The following SLC1A7 variants were observed in gnomAD, a reference collection of about 807,000 sequenced individuals.
SLC1A7 encodes excitatory amino acid transporter 5.
A neutral mutation model predicts 47.7 loss-of-function variants in SLC1A7; 40 were observed. The ratio of observed to expected loss-of-function variants is 0.84; its 90% CI spans 0.65 to 1.09. The LOEUF is 1.09. SLC1A7 is among the 50% of genes least tolerant of loss of function. SLC1A7 has a pLI of 0.00. For synonymous variants in SLC1A7, 323 were observed against 325.6 expected, an observed-to-expected ratio of 0.99 and a Z score of 0.09; for missense variants, 746 against 769.5, an observed-to-expected ratio of 0.97 and a Z score of 0.36.
At chr1:53,090,321 C>G (rs927124376) in intron 8 of SLC1A7, 4 of 541,688 alleles carry the variant, frequency 7.4e-6, no homozygotes, top group Non-Finnish European at 9.7e-6. Context: ...GGCTGTGAGG[C>G]CTCCGTCAGC....
chr1:53,117,590 G>A (rs1644775083), intron 2 of SLC1A7, among the ~76,000 whole-genome samples: 1 of 152,234 alleles, frequency 6.6e-6, no homozygotes, highest in African/African-American at 2.4e-5. Flanking sequence ...TTACCAGATT[G>A]TTTGCATCTC....
rs751079708 is a variant in SLC1A7, at chr1:53,090,733, C to G, written c.1105G>C (p.Val369Leu). The change falls in exon 8 of 11, where the codon GTG (valine) becomes CTG (leucine). Residue 369 changes from valine to leucine, a missense_variant. Physicochemically the swap from Val to Leu is conservative, Grantham distance 32. Transcript: ENST00000371494. ...NHIDRRIARFVLPVGATINMD... is the reference protein window; with the variant it reads ...NHIDRRIARFLLPVGATINMD... ...TTGATGGTGGCACCCACGGGCAGCA[C>G]GAAGCGAGCGATGCGCCGGTCGATG... is the stretch of plus-strand genomic sequence containing the variant. 5.0e-6 allele frequency: 8 copies of G among 1,613,958 alleles called. No individual in the cohort carries two copies. Among genetic ancestry groups the G allele is most frequent in the Non-Finnish European group, 6.8e-6 (8 of 1,179,962 alleles).
At chr1:53,111,638 C>G (rs1644702237) in intron 3 of SLC1A7, among the ~76,000 whole-genome samples, 1 of 152,108 alleles carries the variant, frequency 6.6e-6, no homozygotes, top group African/African-American at 2.4e-5. Flanking sequence ...GATGTCAGAC[C>G]AAGATGGGCA....
intron 3 of SLC1A7, among the ~76,000 whole-genome samples, chr1:53,107,699 C>T (rs1644659247): frequency 6.6e-6 from 1 of 152,208 alleles, no homozygotes; most frequent in African/African-American, 2.4e-5. Flanking sequence ...GGCCTGGTTT[C>T]TACCTTCACT....
At chr1:53,105,892 C>A in intron 3 of SLC1A7, 118 bp from the exon 4 acceptor site, 2 of 784,516 alleles carry the variant, frequency 2.5e-6, no homozygotes, top group Non-Finnish European at 2.2e-6. Flanking sequence ...CTCAGGCCAG[C>A]CTCCTCTGCA....
intron 5 of SLC1A7, among the ~76,000 whole-genome samples, chr1:53,101,771 G>A (rs1250521291): frequency 6.9e-6 from 1 of 144,878 alleles, no homozygotes; most frequent in African/African-American, 2.6e-5. Flanking sequence ...CACACACCCT[G>A]CCTCGGTACA....
rs1382785728 is a variant in SLC1A7, at chr1:53,088,985, G to A, written c.1362-6C>T. 3.7e-6 allele frequency: 6 copies of A among 1,612,896 alleles called. No individual in the cohort carries two copies. The South Asian group carries it at 5.5e-5, about 15-fold the overall frequency. On this transcript the variant is annotated splice_polypyrimidine_tract_variant and splice_region_variant and intron_variant, in intron 9 of 10. Coordinates refer to ENST00000371494, the MANE Select transcript of SLC1A7 (RefSeq NM_006671.6). ...TCATGGTGCGGAAACGGTCCCTGGT[G>A]AGCCAAGGTTGGGGGTGAGTGGTGG...
intron 4 of SLC1A7, 74 bp from the exon 5 acceptor site, chr1:53,103,642 G>T: frequency 1.2e-6 from 1 of 822,930 alleles, no homozygotes; most frequent in Non-Finnish European, 1.9e-6. Context: ...AACAATAATA[G>T]CATCTTGAAG....
At chr1:53,126,459 T>G (rs769827756) in intron 2 of SLC1A7, among the ~76,000 whole-genome samples, 1 of 152,202 alleles carries the variant, frequency 6.6e-6, no homozygotes, top group Non-Finnish European at 1.5e-5. Flanking sequence ...ACCGCAAACC[T>G]GGAGTTACGC....
At chr1:53,103,927 T>A (rs1335329776) in intron 4 of SLC1A7, among the ~76,000 whole-genome samples, 2 of 152,124 alleles carry the variant, frequency 1.3e-5, no homozygotes, top group Non-Finnish European at 2.9e-5. Context: ...CCAGTATCCA[T>A]CCACCTGGTG....
intron 2 of SLC1A7, among the ~76,000 whole-genome samples, chr1:53,119,042 TTAAA>T: frequency 6.9e-6 from 1 of 144,074 alleles, no homozygotes; most frequent in East Asian, 2.1e-4. Flanking sequence ...TTAAATTAAA[TTAAA>T]TAAAAGTTCA....
At chr1:53,131,852 A>G (rs1013796248) in intron 2 of SLC1A7, among the ~76,000 whole-genome samples, 38 of 152,328 alleles carry the variant, frequency 2.5e-4, no homozygotes, top group African/African-American at 8.7e-4. Flanking sequence ...ATGACAACAT[A>G]TGATATGTGC....
rs372699845 is a variant in SLC1A7, at chr1:53,134,449, T to G, written c.136-20A>C. ...AATTTCCTGAAAACACAGTAAGAAC[T>G]GGGGTTATAGCAAGAGATGCAGACT... On this transcript the variant is annotated intron_variant, in intron 1 of 10. Transcript: ENST00000371494. The G allele has an allele frequency of 2.2e-5, 34 of 1,561,232 alleles. No homozygotes were observed. The highest frequency in any genetic ancestry group is 8.4e-5 in the Admixed American group (5 of 59,392).
intron 5 of SLC1A7, among the ~76,000 whole-genome samples, chr1:53,099,706 ACAC>A (rs1303272547): frequency 8.1e-6 from 1 of 123,198 alleles, no homozygotes; most frequent in Non-Finnish European, 1.8e-5. Context: ...ACACTCACAC[ACAC>A]CACCTCGGTA....
At position 53,103,365 on chromosome 1, in the gene SLC1A7, G is replaced by T; in HGVS notation, c.678C>A (p.Val226=). Residue 226 remains valine, a synonymous_variant, in exon 5 of 11, where the codon GTC becomes GTA. Transcript: ENST00000371494. ...TSDGMNVLGI[V]FFSATMGIML... ...ACATACCCATGGTGGCAGAGAAGAA[G>T]ACGATGCCCAGCACATTCATGCCAT... 1 of 1,605,772 alleles carries T rather than the reference G, an allele frequency of 6.2e-7. No homozygotes were observed. The highest frequency in any genetic ancestry group is 8.5e-7 in the Non-Finnish European group (1 of 1,176,960).
chr1:53,120,038 C>G (rs1197107885), intron 2 of SLC1A7, among the ~76,000 whole-genome samples: 2 of 152,174 alleles, frequency 1.3e-5, no homozygotes, highest in Non-Finnish European at 2.9e-5. Context: ...CCACTCAGAG[C>G]CCAGGGATTG....
intron 5 of SLC1A7, among the ~76,000 whole-genome samples, chr1:53,097,626 C>T (rs1429484548): frequency 2.0e-5 from 3 of 151,606 alleles, no homozygotes; most frequent in South Asian, 4.2e-4. Flanking sequence ...CCTCGGTACA[C>T]TCACAAACCC....
At position 53,093,453 on chromosome 1, in the gene SLC1A7, A is replaced by C. The variant is rs1644448237; in HGVS notation, c.797+8T>G. 3 of 1,601,478 alleles carry C rather than the reference A, an allele frequency of 1.9e-6. No individual in the cohort carries two copies. Among genetic ancestry groups the C allele is most frequent in the Non-Finnish European group, 1.7e-6 (2 of 1,174,520 alleles). On this transcript the variant is annotated splice_region_variant and intron_variant, in intron 6 of 10. Transcript: ENST00000371494. ...GCCGGGGTGAGGTGGGTAAATGAGG[A>C]GGCTTACCACACAGCCACCGCCACG...
At chr1:53,112,000 A>G (rs1644705033) in intron 3 of SLC1A7, among the ~76,000 whole-genome samples, 1 of 152,320 alleles carries the variant, frequency 6.6e-6, no homozygotes, top group Non-Finnish European at 1.5e-5. Context: ...CTTCCTGGAG[A>G]AATGAAGGGA....
Sources: allele counts gnomAD v4.1 joint callset (sites outside exome capture counted in the v4.1 genomes callset), GRCh38; gene constraint gnomAD v4.1.1; transcripts MANE v1.5; gene names NCBI Gene and HGNC (gene_info 2026-07-23, HGNC 2026-07-21).